The following TNC variants were observed in gnomAD, a reference collection of about 807,000 sequenced individuals.
The protein encoded by TNC is tenascin C.
In TNC, 109 loss-of-function variants were observed where a neutral mutation model predicts 202.4. That is an observed-to-expected ratio of 0.54 (90% CI 0.46 to 0.63). The LOEUF is 0.63. Among genes scored for constraint, TNC ranks in the 30% least tolerant of loss-of-function variants. The pLI, the probability that TNC is intolerant of heterozygous loss-of-function variation, is 0.00. For synonymous variants in TNC, 1,007 were observed against 1,089.7 expected, an observed-to-expected ratio of 0.92 and a Z score of 1.50; for missense variants, 2,756 against 2,833.3, an observed-to-expected ratio of 0.97 and a Z score of 0.62.
At chr9:115,064,525 T>C (rs1278804339) in intron 11 of TNC, 122 bp downstream of exon 11, 1 of 1,266,342 alleles carries the variant, frequency 7.9e-7, no homozygotes, top group African/African-American at 1.5e-5. Flanking sequence ...GTGTCACAAT[T>C]AGACCCCATA....
At chr9:115,085,083 G>A (rs1208362320) in intron 3 of TNC, among the ~76,000 whole-genome samples, 2 of 152,100 alleles carry the variant, frequency 1.3e-5, no homozygotes, top group Non-Finnish European at 2.9e-5. Context: ...GATAATATGG[G>A]TAGATGAGAG....
Position 115,024,229 on chromosome 9 carries a change from G to A in TNC, c.6332-93C>T, listed in dbSNP as rs10982498. 0.044 allele frequency: 60,378 copies of A among 1,382,088 alleles called. 1,646 individuals carry two copies. The highest frequency in any genetic ancestry group is 0.097 in the African/African-American group (6,815 of 70,198). 85.6% of individuals were successfully genotyped at this position (1,382,088 alleles called of 1,614,324 possible). ...CAGAACCAGAGGTGACAATTGAAAG[G>A]TTCTGGGTGTGGGACTGGCCTTGAA... On this transcript the variant is annotated intron_variant, in intron 26 of 27. Coordinates refer to ENST00000350763, the MANE Select transcript of TNC (RefSeq NM_002160.4).
At chr9:115,021,980 G>A (rs1305917633) in intron 27 of TNC, among the ~76,000 whole-genome samples, 2 of 152,160 alleles carry the variant, frequency 1.3e-5, no homozygotes, top group Non-Finnish European at 1.5e-5. Flanking sequence ...CAAGTAGGGG[G>A]AAATATCCTT....
chr9:115,064,970 G>A (rs1193278549), intron 10 of TNC, 51 bp from the exon 11 acceptor site: 1 of 1,575,730 alleles, frequency 6.3e-7, no homozygotes, highest in East Asian at 2.2e-5. Flanking sequence ...AGAAAGTTTT[G>A]CTTCTGAGAA....
chr9:115,058,923 C>T (rs1832334417), intron 14 of TNC, among the ~76,000 whole-genome samples: 1 of 152,076 alleles, frequency 6.6e-6, no homozygotes, highest in Non-Finnish European at 1.5e-5. Context: ...TATAATGCAC[C>T]CTCCTGGGTC....
chr9:115,053,609 AGCTGG>A (rs1831875341), intron 15 of TNC, among the ~76,000 whole-genome samples: 2 of 152,226 alleles, frequency 1.3e-5, no homozygotes, highest in Non-Finnish European at 2.9e-5. Flanking sequence ...CATCTCAAGG[AGCTGG>A]TGTTCCATTG....
rs1430789872 is a variant in TNC, at chr9:115,020,549, C to G, written c.*608G>C. On this transcript the variant is annotated 3_prime_UTR_variant, in exon 28 of 28. Transcript: ENST00000350763. The stretch of plus-strand genomic sequence containing the variant: ...AATAACAAACTCAAAAGTACTTGTG[C>G]TTTTATTTAAAAAAAAAATACAATC... 9.4e-6 allele frequency: 2 copies of G among 213,414 alleles called. No homozygotes were observed. Among genetic ancestry groups the G allele is most frequent in the Non-Finnish European group, 1.9e-5 (2 of 107,284 alleles). The allele number at this position is 213,414 out of a possible 1,614,324, so 13.2% of individuals were successfully genotyped here.
intron 1 of TNC, among the ~76,000 whole-genome samples, chr9:115,100,011 C>A (rs569996655): frequency 6.6e-6 from 1 of 152,294 alleles, no homozygotes; most frequent in Non-Finnish European, 1.5e-5. Context: ...AATGAATTAG[C>A]CTGGTGTGGG....
In TNC at chr9:115,086,530, C is replaced by T. The variant is rs764428584; in HGVS notation, c.1201G>A (p.Ala401Thr). 2 of 1,613,976 alleles carry T rather than the reference C, an allele frequency of 1.2e-6. No homozygotes were observed. The highest frequency in any genetic ancestry group is 1.7e-6 in the Non-Finnish European group (2 of 1,180,038). Residue 401 changes from alanine to threonine, a missense_variant, in exon 3 of 28, where the codon GCT becomes ACT. Ala to Thr is a moderately conservative substitution (Grantham distance 58). Around this residue, in one of 2 missense-constraint regions of TNC, gnomAD observed 2,559 missense variants for 2,546.0 expected, o/e 1.01. Coordinates refer to ENST00000350763, the MANE Select transcript of TNC (RefSeq NM_002160.4). ...GGACACTTGAGCTCCCCACAGTCAG[C>T]TCCAGTGAAACCATCATCACACTCA... ...RCECDDGFTGADCGELKCPNG... is the reference protein window; with the variant it reads ...RCECDDGFTGTDCGELKCPNG...
chr9:115,020,872 A>C lies in TNC; in HGVS notation c.*285T>G. The C allele has an allele frequency of 2.6e-6, 1 of 383,380 alleles. No homozygotes were observed. The highest frequency in any genetic ancestry group is 4.7e-6 in the Non-Finnish European group (1 of 211,282). The allele number at this position is 383,380 out of a possible 1,614,324, so 23.7% of individuals were successfully genotyped here. A position where few individuals can be genotyped will look rare whatever the true frequency, so the allele number is the denominator to read the frequency against. The stretch of plus-strand genomic sequence containing the variant: ...CCCTCTCCCATTCCCAGAGCCACCT[A>C]AGAGAAGTAAAAAACTATTGCGATG... On this transcript the variant is annotated 3_prime_UTR_variant, in exon 28 of 28. Transcript: ENST00000350763.
At chr9:115,068,365 G>A (rs779228011) in intron 10 of TNC, among the ~76,000 whole-genome samples, 6 of 152,124 alleles carry the variant, frequency 3.9e-5, no homozygotes, top group Admixed American at 6.5e-5. Flanking sequence ...TTCTGACAGT[G>A]CCAACTTAAA....
intron 20 of TNC, 22 bp from the exon 21 acceptor site, chr9:115,036,263 C>G (rs372026467): frequency 9.3e-6 from 15 of 1,612,500 alleles, no homozygotes; most frequent in Non-Finnish European, 1.3e-5. Flanking sequence ...ATACACATAC[C>G]AAGGCAGTCA....
intron 10 of TNC, among the ~76,000 whole-genome samples, chr9:115,068,999 C>T (rs1042303221): frequency 2.6e-5 from 4 of 152,206 alleles, no homozygotes; most frequent in East Asian, 1.9e-4. Flanking sequence ...CTTATAGCAA[C>T]GTGCACCATT....
chr9:115,101,033 T>C (rs1370734311), intron 1 of TNC, among the ~76,000 whole-genome samples: 1 of 152,174 alleles, frequency 6.6e-6, no homozygotes. Context: ...CTAGACTTCT[T>C]GGCCCTGATG....
chr9:115,042,315 A>T lies in TNC; in HGVS notation c.5152T>A (p.Phe1718Ile), dbSNP rs1830824153. 6.2e-7 allele frequency: 1 copy of T among 1,614,044 alleles called. No homozygotes were observed. The highest frequency in any genetic ancestry group is 1.1e-5 in the South Asian group (1 of 91,080). The change falls in exon 18 of 28, where the codon TTC becomes ATC. Residue 1718 changes from phenylalanine to isoleucine, a missense_variant. Phe to Ile is a conservative substitution (Grantham distance 21, BLOSUM62 0). Around this residue, in one of 2 missense-constraint regions of TNC, gnomAD observed 2,559 missense variants for 2,546.0 expected, o/e 1.01. Coordinates refer to ENST00000350763, the MANE Select transcript of TNC (RefSeq NM_002160.4). The stretch of plus-strand genomic sequence containing the variant: ...GCCGAATTTTCAGTGATGTCTGAGA[A>T]AATGACTTCCTTTGGGGAGCCCATG... ...TAMGSPKEVI[F>I]SDITENSATV...
chr9:115,113,316 A>G (rs1837221414), intron 1 of TNC, among the ~76,000 whole-genome samples: 1 of 152,188 alleles, frequency 6.6e-6, no homozygotes, highest in South Asian at 2.1e-4. Flanking sequence ...AACTCCACCA[A>G]GTACTTTCTG....
At chr9:115,107,425 TTATGAAACTAAATACAGA>T (rs1250476490) in intron 1 of TNC, among the ~76,000 whole-genome samples, 1 of 152,198 alleles carries the variant, frequency 6.6e-6, no homozygotes, top group Non-Finnish European at 1.5e-5. Flanking sequence ...ACAGCTTCTA[TTATGAAACTAAATACAGA>T]TTGAATTGAA....
At position 115,026,760 on chromosome 9, in the gene TNC, T is replaced by C. The variant is rs534936884; in HGVS notation, c.6170-65A>G. 23 of 1,560,972 alleles carry C rather than the reference T, an allele frequency of 1.5e-5. 1 individual carries two copies. In the South Asian group the frequency reaches 2.1e-4, roughly 14 times the overall value. On this transcript the variant is annotated intron_variant, in intron 25 of 27. Transcript: ENST00000350763. The stretch of plus-strand genomic sequence containing the variant: ...ACTGAGGCCCTCATTTCTATTTCAC[T>C]CTGTAAAAGCGGCAACTGGGTACAC...
In TNC at chr9:115,073,853, G is replaced by T; in HGVS notation, c.2964C>A (p.Pro988=). 3 of 1,610,710 alleles carry T rather than the reference G, an allele frequency of 1.9e-6. No homozygotes were observed. Among genetic ancestry groups the T allele is most frequent in the South Asian group, 1.1e-5 (1 of 91,062 alleles). ...CAGTTTCAGAAACCTGAAGGTCCTT[G>T]GGCGTGTCCAACTCTGGGAGGAGAA... ...TINAATELDT[P]KDLQVSETAE... The change falls in exon 10 of 28, where the codon CCC becomes CCA. Residue 988 remains proline (P), a synonymous_variant. Transcript: ENST00000350763.
Sources: allele counts gnomAD v4.1 joint callset (sites outside exome capture counted in the v4.1 genomes callset), GRCh38; gene constraint gnomAD v4.1.1; regional missense constraint gnomAD v4.1.1; transcripts MANE v1.5; gene names NCBI Gene and HGNC (gene_info 2026-07-23, HGNC 2026-07-21).